The following CNTNAP5 variants were observed in gnomAD, a reference collection of about 807,000 sequenced individuals.
CNTNAP5 encodes contactin-associated protein-like 5.
In CNTNAP5, 72 loss-of-function variants were observed where a neutral mutation model predicts 150.2. That is an observed-to-expected ratio of 0.48 (90% CI 0.40 to 0.58). CNTNAP5 has a LOEUF of 0.58. CNTNAP5 is among the 20% of genes least tolerant of loss of function. The probability of loss-of-function intolerance (pLI) is 0.00; values close to 1 mark genes in which losing one functional copy is unlikely to be tolerated. For missense variants in CNTNAP5, 1,636 were observed against 1,626.2 expected, an observed-to-expected ratio of 1.01 and a Z score of -0.10; for synonymous variants, 672 against 619.8, an observed-to-expected ratio of 1.08 and a Z score of -1.25.
intron 3 of CNTNAP5, among the ~76,000 whole-genome samples, chr2:124,372,894 A>G (rs914332291): frequency 3.9e-5 from 6 of 152,138 alleles, no homozygotes; most frequent in Non-Finnish European, 7.4e-5. Flanking sequence ...GGAAGATAGT[A>G]TCAAATATGC....
In CNTNAP5 at chr2:124,597,863, A is replaced by G. The variant is rs1447449683; in HGVS notation, c.1757-11938A>G. ...CATTTCTTTTTATTCTTTTTTCTCT[A>G]AACTTCCCTTCTTGCTTCATTTCAT... is the stretch of plus-strand genomic sequence containing the variant. On this transcript the variant is annotated intron_variant, in intron 11 of 23. Transcript: ENST00000682447. Among the ~76,000 whole-genome samples, 10 of 144,556 alleles carry G rather than the reference A, an allele frequency of 6.9e-5. No individual in the cohort carries two copies. In the South Asian group the frequency reaches 2.3e-3, roughly 33 times the overall value. 94.8% of individuals were successfully genotyped at this position (144,556 alleles called of 152,430 possible).
At chr2:124,178,736 C>CT (rs1013258230) in intron 1 of CNTNAP5, among the ~76,000 whole-genome samples, 4 of 151,902 alleles carry the variant, frequency 2.6e-5, no homozygotes, top group African/African-American at 9.7e-5. Flanking sequence ...TGGTTTTGGA[C>CT]TTTTTTTAAA....
At chr2:124,364,716 G>C (rs1284699189) in intron 3 of CNTNAP5, among the ~76,000 whole-genome samples, 1 of 152,182 alleles carries the variant, frequency 6.6e-6, no homozygotes, top group African/African-American at 2.4e-5. Flanking sequence ...TCCTGAGATA[G>C]AATTCCTTAC....
intron 7 of CNTNAP5, among the ~76,000 whole-genome samples, chr2:124,492,432 C>G (rs1277421950): frequency 1.3e-5 from 2 of 152,116 alleles, no homozygotes; most frequent in Non-Finnish European, 2.9e-5. Flanking sequence ...TTCTGTTGAT[C>G]TCTGTGTCTG....
intron 1 of CNTNAP5, among the ~76,000 whole-genome samples, chr2:124,036,383 A>T (rs1681219706): frequency 6.6e-6 from 1 of 151,936 alleles, no homozygotes. Context: ...GGTTACAAGA[A>T]ACCCCAGTCC....
intron 1 of CNTNAP5, among the ~76,000 whole-genome samples, chr2:124,178,146 C>T (rs1464035397): frequency 6.6e-6 from 1 of 152,106 alleles, no homozygotes. Context: ...CATGCCCAGC[C>T]AATGGTTTAC....
At chr2:124,067,519 A>G (rs1682190896) in intron 1 of CNTNAP5, among the ~76,000 whole-genome samples, 1 of 152,192 alleles carries the variant, frequency 6.6e-6, no homozygotes, top group Non-Finnish European at 1.5e-5. Context: ...ATCCCCACAG[A>G]TAACCCTGGA....
At chr2:124,123,495 A>G (rs1051340326) in intron 1 of CNTNAP5, among the ~76,000 whole-genome samples, 5 of 152,186 alleles carry the variant, frequency 3.3e-5, no homozygotes, top group African/African-American at 7.2e-5. Flanking sequence ...TAGTTGAACA[A>G]AAGGCAGCAG....
At chr2:124,570,913 T>C (rs1696138465) in intron 11 of CNTNAP5, among the ~76,000 whole-genome samples, 1 of 152,198 alleles carries the variant, frequency 6.6e-6, no homozygotes, top group Admixed American at 6.5e-5. Flanking sequence ...GACAGCCTAG[T>C]GTCAAATGCA....
chr2:124,827,268 G>A (rs1020666936), intron 19 of CNTNAP5, among the ~76,000 whole-genome samples: 1 of 152,094 alleles, frequency 6.6e-6, no homozygotes, highest in Non-Finnish European at 1.5e-5. Flanking sequence ...TACCAAGCAA[G>A]CTTCCCCACC....
At chr2:124,325,407 A>G (rs2104673568) in intron 3 of CNTNAP5, among the ~76,000 whole-genome samples, 1 of 152,320 alleles carries the variant, frequency 6.6e-6, no homozygotes, top group African/African-American at 2.4e-5. Context: ...GAGGAATTAA[A>G]CTGGTATCAT....
chr2:124,902,157 G>A (rs1678426363), intron 21 of CNTNAP5, among the ~76,000 whole-genome samples: 1 of 152,108 alleles, frequency 6.6e-6, no homozygotes, highest in Non-Finnish European at 1.5e-5. Context: ...ATGGAATACT[G>A]AGTAATCTTA....
rs1682477308 is a variant in CNTNAP5, at chr2:124,077,988, G to A, written c.82+52256G>A. ...TTTCTAGTGAAGTTGCAAGAAAAAT[G>A]ACAATGAAGTCAAATGTGTTATTTG... On this transcript the variant is annotated intron_variant, in intron 1 of 23. Coordinates refer to ENST00000682447, the MANE Select transcript of CNTNAP5 (RefSeq NM_001367498.1). Among the ~76,000 whole-genome samples the A allele has an allele frequency of 2.6e-5, 4 of 152,160 alleles. No individual in the cohort carries two copies. In the South Asian group the frequency reaches 8.3e-4, roughly 32 times the overall value.
At chr2:124,641,352 TA>T (rs1343346271) in intron 12 of CNTNAP5, among the ~76,000 whole-genome samples, 1 of 152,076 alleles carries the variant, frequency 6.6e-6, no homozygotes, top group Non-Finnish European at 1.5e-5. Context: ...AAGCCAGCCC[TA>T]ATGATGACAA....
chr2:124,538,102 G>T (rs921299208), intron 10 of CNTNAP5, among the ~76,000 whole-genome samples: 4 of 152,176 alleles, frequency 2.6e-5, no homozygotes, highest in African/African-American at 9.7e-5. Flanking sequence ...ATTGAGGTAC[G>T]ACATGCATGT....
chr2:124,053,380 C>T (rs1681759726), intron 1 of CNTNAP5, among the ~76,000 whole-genome samples: 1 of 152,154 alleles, frequency 6.6e-6, no homozygotes, highest in Admixed American at 6.5e-5. Flanking sequence ...CTTGTACATA[C>T]ATTTTAAGTG....
chr2:124,850,403 G>A (rs906992217), intron 19 of CNTNAP5, among the ~76,000 whole-genome samples: 17 of 152,112 alleles, frequency 1.1e-4, no homozygotes, highest in African/African-American at 3.9e-4. Context: ...GAGGGAAGAG[G>A]GCCATGTGAC....
chr2:124,277,301 AGCTCAGGCCCT>A lies in CNTNAP5; in HGVS notation c.381+34909_381+34919del, dbSNP rs1462724734. 4.6e-5 allele frequency among the ~76,000 whole-genome samples: 7 copies of A among 152,184 alleles called. 1 individual carries two copies. The highest frequency in any genetic ancestry group is 8.8e-5 in the Non-Finnish European group (6 of 68,020). On this transcript the variant is annotated intron_variant, in intron 3 of 23. Coordinates refer to ENST00000682447, the MANE Select transcript of CNTNAP5 (RefSeq NM_001367498.1). ...TTTTCCTTATACCTGAAGGGTAGAA[AGCTCAGGCCCT>A]TTTTGGCCTTGGGCAAGAGAGCTTT...
intron 5 of CNTNAP5, among the ~76,000 whole-genome samples, chr2:124,435,716 A>T (rs1331470196): frequency 6.6e-6 from 1 of 152,216 alleles, no homozygotes; most frequent in Admixed American, 6.5e-5. Context: ...AATACATTTT[A>T]GCAATTAGCT....
Sources: allele counts gnomAD v4.1 joint callset (sites outside exome capture counted in the v4.1 genomes callset), GRCh38; gene constraint gnomAD v4.1.1; transcripts MANE v1.5; gene names NCBI Gene and HGNC (gene_info 2026-07-23, HGNC 2026-07-21).